The following PLAGL1 variants were observed in gnomAD, a reference collection of about 807,000 sequenced individuals.
The protein encoded by PLAGL1 is zinc finger protein PLAGL1.
Under a neutral mutation model 4.6 loss-of-function variants are expected in PLAGL1, and 1 was observed. The observed-to-expected ratio is 0.22, with a 90% confidence interval of 0.08 to 1.03. PLAGL1 has a LOEUF of 1.03. Among genes scored for constraint, PLAGL1 ranks in the 50% least tolerant of loss-of-function variants. The probability of loss-of-function intolerance (pLI) is 0.58; values close to 1 mark genes in which losing one functional copy is unlikely to be tolerated. For synonymous variants in PLAGL1, 240 were observed against 237.8 expected (o/e 1.01, Z -0.08); for missense variants, 464 against 570.4 (o/e 0.81, Z 1.90).
chr6:143,967,994 T>C (rs1339306474), intron 3 of PLAGL1: 1 of 76,060 alleles, frequency 1.3e-5, no homozygotes, highest in East Asian at 3.9e-4. Context: ...CAAGGACATT[T>C]TGCAAAAAAA....
At chr6:144,020,876 A>G (rs919617658) in intron 1 of PLAGL1, among the ~76,000 whole-genome samples, 11 of 146,708 alleles carry the variant, frequency 7.5e-5, no homozygotes, top group Admixed American at 2.7e-4. Context: ...TAAAATATAT[A>G]GTATAATTTA....
In PLAGL1 at chr6:143,975,168, C is replaced by T. The variant is rs1247470625; in HGVS notation, c.-543-6190G>A. On this transcript the variant is annotated intron_variant, in intron 2 of 7. Coordinates refer to ENST00000674357, the MANE Select transcript of PLAGL1 (RefSeq NM_001317162.2). The surrounding 1 kb of genome is among the most constrained non-coding windows in gnomAD (Gnocchi z 5.8). Reference sequence around the variant, plus strand: ...CTATCTTTGAGTCTCATGCTGTTTCCATTACACCAGCTACCATGTACTGGG... The same window carrying T: ...CTATCTTTGAGTCTCATGCTGTTTCTATTACACCAGCTACCATGTACTGGG... Among the ~76,000 whole-genome samples, 3 of 152,124 alleles carry T rather than the reference C, an allele frequency of 2.0e-5. No homozygotes were observed. Among genetic ancestry groups the T allele is most frequent in the Admixed American group, 6.6e-5 (1 of 15,266 alleles).
chr6:144,006,860 T>A lies in PLAGL1; in HGVS notation c.-584+1230A>T, dbSNP rs1281431103. 1.3e-5 allele frequency: 2 copies of A among 152,162 alleles called. No individual in the cohort carries two copies. Among genetic ancestry groups the A allele is most frequent in the East Asian group, 3.9e-4 (2 of 5,190 alleles). The allele number at this position is 152,162 out of a possible 1,614,324, so 9.4% of individuals were successfully genotyped here. On this transcript the variant is annotated intron_variant, in intron 1 of 7. Coordinates refer to ENST00000674357, the MANE Select transcript of PLAGL1 (RefSeq NM_001317162.2). The surrounding 1 kb of genome is among the most constrained non-coding windows in gnomAD (Gnocchi z 4.3). ...TTTTACATCATGACACACATTTGTG[T>A]ATGTATGAAACTGAGGAGGGGGAGA...
chr6:144,007,440 TA>T (rs1000518458), intron 1 of PLAGL1: 4 of 152,196 alleles, frequency 2.6e-5, no homozygotes, highest in Admixed American at 2.6e-4. Context: ...TTTTGATTTT[TA>T]TTGGTTTCCT....
intron 1 of PLAGL1, among the ~76,000 whole-genome samples, chr6:144,062,368 C>T (rs921288063): frequency 2.1e-5 from 3 of 143,890 alleles, no homozygotes; most frequent in Admixed American, 7.1e-5. Context: ...CAGAGTGAGA[C>T]TCCGTCTCAA....
At position 144,000,240 on chromosome 6, in the gene PLAGL1, A is replaced by C. The variant is rs147624477; in HGVS notation, c.-584+7850T>G. 2.0e-3 allele frequency among the ~76,000 whole-genome samples: 312 copies of C among 152,318 alleles called. No homozygotes were observed. The highest frequency in any genetic ancestry group is 7.3e-3 in the African/African-American group (303 of 41,580). ...AAGAATGCCCATGATCAGTACCACT[A>C]TTCTTCATTGTACTGGTTGTCCTAG... On this transcript the variant is annotated intron_variant, in intron 1 of 7. Coordinates refer to ENST00000674357, the MANE Select transcript of PLAGL1 (RefSeq NM_001317162.2). This position sits in a 1 kb window ranked among gnomAD's most constrained non-coding sequence, Gnocchi z 4.1.
rs1440896793 is a variant in PLAGL1, at chr6:143,958,429, TTATAG to T, written c.-325+2035_-325+2039del. 2.0e-5 allele frequency among the ~76,000 whole-genome samples: 3 copies of T among 152,214 alleles called. No individual in the cohort carries two copies. The highest frequency in any genetic ancestry group is 2.9e-5 in the Non-Finnish European group (2 of 68,048). Reference sequence around the variant, plus strand: ...AGCTCGATGTAGAAATATCCAGAACTTATAGTAAACTGTGTACATGCATGGTTATG... The same window carrying T: ...AGCTCGATGTAGAAATATCCAGAACTTAAACTGTGTACATGCATGGTTATG... On this transcript the variant is annotated intron_variant, in intron 6 of 7. Transcript: ENST00000674357. The surrounding 1 kb of genome is among the most constrained non-coding windows in gnomAD (Gnocchi z 5.1).
At chr6:144,013,323 C>A (rs1278776122), upstream of PLAGL1, among the ~76,000 whole-genome samples, 3 of 152,042 alleles carry the variant, frequency 2.0e-5, no homozygotes, top group African/African-American at 7.2e-5. The surrounding 1 kb of genome is among the most constrained non-coding windows in gnomAD (Gnocchi z 4.4). Flanking sequence ...CATGGGCAGA[C>A]AATCATACAG....
At chr6:144,010,139 C>T (rs563054093), upstream of PLAGL1, among the ~76,000 whole-genome samples, 102 of 152,258 alleles carry the variant, frequency 6.7e-4, no homozygotes, top group African/African-American at 2.2e-3. The surrounding 1 kb of genome is among the most constrained non-coding windows in gnomAD (Gnocchi z 4.1). Context: ...CCACCAACAG[C>T]GTAAAAGCGT....
chr6:143,971,654 C>G lies in PLAGL1; in HGVS notation c.-543-2676G>C, dbSNP rs536537403. 6.6e-6 allele frequency among the ~76,000 whole-genome samples: 1 copy of G among 152,278 alleles called. No homozygotes were observed. The highest frequency in any genetic ancestry group is 1.9e-4 in the East Asian group (1 of 5,192). The stretch of plus-strand genomic sequence containing the variant: ...TTCCCTTAGACTTTTCACTAAGAAG[C>G]AAAGCTGTTTGTTTGCCTTTTCTGA... On this transcript the variant is annotated intron_variant, in intron 2 of 7. Coordinates refer to ENST00000674357, the MANE Select transcript of PLAGL1 (RefSeq NM_001317162.2). This position sits in a 1 kb window ranked among gnomAD's most constrained non-coding sequence, Gnocchi z 4.7.
At chr6:143,999,112 G>GGGGAGT (rs1792290144) in intron 1 of PLAGL1, among the ~76,000 whole-genome samples, 1 of 152,124 alleles carries the variant, frequency 6.6e-6, no homozygotes, top group Non-Finnish European at 1.5e-5. Flanking sequence ...AAGGTGCTGA[G>GGGGAGT]GGGAGTGAAA....
intron 1 of PLAGL1, among the ~76,000 whole-genome samples, chr6:144,057,674 T>C (rs193117699): frequency 1.3e-5 from 2 of 151,918 alleles, no homozygotes; most frequent in Admixed American, 1.3e-4. Context: ...CTCTAGCTCC[T>C]CTCCCTAAAA....
rs1294006923 is a variant in PLAGL1 at position 144,039,462 on chromosome 6, T to G, written c.-151+25006A>C. ...TTAGCTGGGCATGTTGGCACATGCTTGTAATCCCAGCTACTCAAGAGGCTG... is the reference window on the plus strand; with the variant it reads ...TTAGCTGGGCATGTTGGCACATGCTGGTAATCCCAGCTACTCAAGAGGCTG... On this transcript the variant is annotated intron_variant, in intron 1 of 3. Transcript: ENST00000437412. The surrounding 1 kb of genome is among the most constrained non-coding windows in gnomAD (Gnocchi z 4.1). 6.6e-6 allele frequency among the ~76,000 whole-genome samples: 1 copy of G among 152,156 alleles called. No homozygotes were observed. The highest frequency in any genetic ancestry group is 1.9e-4 in the East Asian group (1 of 5,200).
chr6:144,002,164 C>G (rs900981784), intron 1 of PLAGL1, among the ~76,000 whole-genome samples: 8 of 152,124 alleles, frequency 5.3e-5, no homozygotes, highest in Non-Finnish European at 8.8e-5. Flanking sequence ...ACTGCACTAT[C>G]TTTGCAATTC....
At position 143,957,599 on chromosome 6, in the gene PLAGL1, A is replaced by G. The variant is rs142635984; in HGVS notation, c.-325+2870T>C. 3.2e-4 allele frequency among the ~76,000 whole-genome samples: 49 copies of G among 152,350 alleles called. No homozygotes were observed. In the East Asian group the frequency reaches 9.1e-3, roughly 28 times the overall value. ...ATTTTTCCAATAAGGTTAACATTCAAGGGAAAGAAAAGCCTCTTTCTTTCT... is the reference window on the plus strand; with the variant it reads ...ATTTTTCCAATAAGGTTAACATTCAGGGGAAAGAAAAGCCTCTTTCTTTCT... On this transcript the variant is annotated intron_variant, in intron 6 of 7. Transcript: ENST00000674357. This position sits in a 1 kb window ranked among gnomAD's most constrained non-coding sequence, Gnocchi z 4.2.
chr6:144,026,096 A>G (rs540895154), intron 1 of PLAGL1, among the ~76,000 whole-genome samples: 1 of 152,338 alleles, frequency 6.6e-6, no homozygotes, highest in African/African-American at 2.4e-5. Context: ...TATATTCAAT[A>G]AGCATTTATT....
At chr6:144,011,282 T>C (rs1247544985), upstream of PLAGL1, among the ~76,000 whole-genome samples, 1 of 152,136 alleles carries the variant, frequency 6.6e-6, no homozygotes, top group Non-Finnish European at 1.5e-5. This position sits in a 1 kb window ranked among gnomAD's most constrained non-coding sequence, Gnocchi z 4.3. Flanking sequence ...CATCAAAAAG[T>C]GGGCAAAGGA....
At position 144,001,202 on chromosome 6, in the gene PLAGL1, G is replaced by T. The variant is rs6940043; in HGVS notation, c.-584+6888C>A. ...AAAAAAAAAAATAAAAATTTTTAATGGGGACATTTCAAAAGGACAAAAGTA... is the reference window on the plus strand; with the variant it reads ...AAAAAAAAAAATAAAAATTTTTAATTGGGACATTTCAAAAGGACAAAAGTA... On this transcript the variant is annotated intron_variant, in intron 1 of 7. Coordinates refer to ENST00000674357, the MANE Select transcript of PLAGL1 (RefSeq NM_001317162.2). Among the ~76,000 whole-genome samples, 1,287 of 151,996 alleles carry T rather than the reference G, an allele frequency of 8.5e-3. 30 individuals carry two copies. The highest frequency in any genetic ancestry group is 0.03 in the African/African-American group (1,230 of 41,496).
chr6:143,973,672 A>T lies in PLAGL1; in HGVS notation c.-543-4694T>A, dbSNP rs192484009. On this transcript the variant is annotated intron_variant, in intron 2 of 7. Coordinates refer to ENST00000674357, the MANE Select transcript of PLAGL1 (RefSeq NM_001317162.2). The surrounding 1 kb of genome is among the most constrained non-coding windows in gnomAD (Gnocchi z 6.2). ...ATATGGAAACTTTATTCTCAATCGAATGGTTCGTTCTAATAGCCAGAGGAA... is the reference window on the plus strand; with the variant it reads ...ATATGGAAACTTTATTCTCAATCGATTGGTTCGTTCTAATAGCCAGAGGAA... Among the ~76,000 whole-genome samples the T allele has an allele frequency of 4.6e-5, 7 of 152,288 alleles. No homozygotes were observed. The East Asian group carries it at 1.3e-3, about 29-fold the overall frequency.
Sources: allele counts gnomAD v4.1 joint callset (sites outside exome capture counted in the v4.1 genomes callset), GRCh38; gene constraint gnomAD v4.1.1; non-coding constraint Gnocchi (gnomAD v3.1); transcripts MANE v1.5; gene names NCBI Gene and HGNC (gene_info 2026-07-23, HGNC 2026-07-21).